The following AKR1A1 variants were observed in gnomAD, a reference collection of about 807,000 sequenced individuals.
The protein encoded by AKR1A1 is HEL-S-165mP.
Under a neutral mutation model 39.2 loss-of-function variants are expected in AKR1A1, and 26 were observed. The observed-to-expected ratio is 0.66, with a 90% CI of 0.49 to 0.92. AKR1A1 has a LOEUF of 0.92. Among genes scored for constraint, AKR1A1 ranks in the 40% least tolerant of loss-of-function variants. The probability of loss-of-function intolerance (pLI) is 0.00; values close to 1 mark genes in which losing one functional copy is unlikely to be tolerated. For missense variants in AKR1A1, 378 were observed against 406.5 expected (o/e 0.93, Z 0.60); for synonymous variants, 141 against 155.5 (o/e 0.91, Z 0.69).
chr1:45,561,929 T>C (rs1194967471), intron 2 of AKR1A1, 51 bp downstream of exon 2: 1 of 1,577,482 alleles, frequency 6.3e-7, no homozygotes, highest in South Asian at 1.1e-5. Context: ...TGCCTGCATT[T>C]TCCTAGCAGC....
intron 1 of AKR1A1, among the ~76,000 whole-genome samples, chr1:45,561,586 T>G (rs1644278124): frequency 6.6e-6 from 1 of 152,108 alleles, no homozygotes; most frequent in Non-Finnish European, 1.5e-5. Flanking sequence ...GTATTTTTAG[T>G]AGAGATGGGG....
chr1:45,562,032 TC>T lies in AKR1A1; in HGVS notation c.84+155del, dbSNP rs554250918. Among the ~76,000 whole-genome samples, 59 of 152,276 alleles carry T rather than the reference TC, an allele frequency of 3.9e-4. 3 individuals are homozygous for T. The highest frequency in any genetic ancestry group is 1.4e-3 in the African/African-American group (57 of 41,562). On this transcript the variant is annotated intron_variant, in intron 2 of 8. Coordinates refer to ENST00000351829, the MANE Select transcript of AKR1A1 (RefSeq NM_153326.3). ...TACATCCTGGGCTTCCCCAGCTGACTCAGAGAGTGGGCTGAGGGGCCCAGCA... is the reference window on the plus strand; with the variant it reads ...TACATCCTGGGCTTCCCCAGCTGACTAGAGAGTGGGCTGAGGGGCCCAGCA...
At position 45,551,067 on chromosome 1, in the gene AKR1A1, ACT is replaced by A. The variant is rs1170337040; in HGVS notation, c.-94_-93del. The A allele has an allele frequency of 6.6e-6, 1 of 152,362 alleles. No individual in the cohort carries two copies. The highest frequency in any genetic ancestry group is 6.5e-5 in the Admixed American group (1 of 15,276). The allele number at this position is 152,362 out of a possible 1,614,324, so 9.4% of individuals were successfully genotyped here. On this transcript the variant is annotated 5_prime_UTR_variant, in exon 1 of 9. An upstream open reading frame in the 5' UTR loses its in-frame stop. Coordinates refer to ENST00000351829, the MANE Select transcript of AKR1A1 (RefSeq NM_153326.3). ...GGTGGAACTTCCCCCTCACCGCCAG[ACT>A]TAAGCTGAGGATCGTTGGATCTCTG...
intron 4 of AKR1A1, 122 bp from the exon 5 acceptor site, chr1:45,567,860 A>T (rs1644364274): frequency 2.2e-6 from 2 of 904,754 alleles, no homozygotes; most frequent in Non-Finnish European, 3.2e-6. Context: ...ATGGCTTTTT[A>T]AAAATTCTTG....
intron 1 of AKR1A1, among the ~76,000 whole-genome samples, chr1:45,558,467 C>T (rs1435357074): frequency 2.0e-5 from 3 of 148,314 alleles, no homozygotes; most frequent in Non-Finnish European, 3.0e-5. Flanking sequence ...GGCTCAATCT[C>T]GGCTCACTGC....
chr1:45,567,462 A>T (rs1644357932), intron 4 of AKR1A1: 1 of 164,142 alleles, frequency 6.1e-6, no homozygotes. Context: ...ATCTACGTCT[A>T]GGAAGAGGAG....
At position 45,567,805 on chromosome 1, in the gene AKR1A1, C is replaced by T. The variant is rs1049396102; in HGVS notation, c.357-177C>T. 5.7e-4 allele frequency: 314 copies of T among 549,440 alleles called. 4 individuals are homozygous for T. The highest frequency in any genetic ancestry group is 1.5e-3 in the Middle Eastern group (3 of 2,020). 34.0% of individuals were successfully genotyped at this position (549,440 alleles called of 1,614,324 possible). ...TAGTGCCACTGCACTCCAGCCTGGG[C>T]GGTAAAGCGAGACTCCATCTCAAAA... is the stretch of plus-strand genomic sequence containing the variant. On this transcript the variant is annotated intron_variant, in intron 4 of 8. Coordinates refer to ENST00000351829, the MANE Select transcript of AKR1A1 (RefSeq NM_153326.3).
intron 1 of AKR1A1, among the ~76,000 whole-genome samples, chr1:45,559,049 T>C (rs1434541320): frequency 6.6e-6 from 1 of 152,226 alleles, no homozygotes; most frequent in Non-Finnish European, 1.5e-5. Flanking sequence ...AGTTATTCTT[T>C]AGGACTTGAC....
In AKR1A1 at chr1:45,561,837, C is replaced by T. The variant is rs1239684840; in HGVS notation, c.43C>T (p.Pro15Ser). Residue 15 changes from proline to serine, a missense_variant, in exon 2 of 9, where the codon CCT becomes TCT. Coordinates refer to ENST00000351829, the MANE Select transcript of AKR1A1 (RefSeq NM_153326.3). ...TCTACTGCACACTGGGCAGAAGATGCCTCTGATTGGTCTGGGTACCTGGAA... is the reference window on the plus strand; with the variant it reads ...TCTACTGCACACTGGGCAGAAGATGTCTCTGATTGGTCTGGGTACCTGGAA... ...CVLLHTGQKM[P>S]LIGLGTWKSE... The T allele has an allele frequency of 6.2e-7, 1 of 1,614,116 alleles. No individual in the cohort carries two copies. The highest frequency in any genetic ancestry group is 1.7e-5 in the Admixed American group (1 of 59,998).
At chr1:45,568,423 T>A (rs1644373410) in intron 5 of AKR1A1, 62 bp from the exon 6 acceptor site, 1 of 1,579,238 alleles carries the variant, frequency 6.3e-7, no homozygotes, top group African/African-American at 1.3e-5. Flanking sequence ...CATGCATGTC[T>A]GGGATGGGCC....
chr1:45,569,125 C>G lies in AKR1A1; in HGVS notation c.826-18C>G. On this transcript the variant is annotated intron_variant, in intron 7 of 8. Coordinates refer to ENST00000351829, the MANE Select transcript of AKR1A1 (RefSeq NM_153326.3). ...GCTCACAAAGCTGGCTTTCTTGAAC[C>G]CCACTCTCCATCCTCAGGTGTTTGA... 3.7e-6 allele frequency: 6 copies of G among 1,612,718 alleles called. No homozygotes were observed. The highest frequency in any genetic ancestry group is 5.1e-6 in the Non-Finnish European group (6 of 1,178,722).
rs557439145 is a variant in AKR1A1, at chr1:45,563,181, C to T, written c.84+1303C>T. 3.3e-5 allele frequency among the ~76,000 whole-genome samples: 5 copies of T among 151,430 alleles called. No homozygotes were observed. In the East Asian group the frequency reaches 9.8e-4, roughly 30 times the overall value. The stretch of plus-strand genomic sequence containing the variant: ...CTTTGGGAGGCCAAGGCAGGTGGAT[C>T]ACAAGGTCAGGAGTTCGAGACCAGC... On this transcript the variant is annotated intron_variant, in intron 2 of 8. Coordinates refer to ENST00000351829, the MANE Select transcript of AKR1A1 (RefSeq NM_153326.3).
intron 1 of AKR1A1, among the ~76,000 whole-genome samples, chr1:45,552,163 C>CTATT (rs1557627163): frequency 4.0e-5 from 6 of 151,168 alleles, no homozygotes; most frequent in Admixed American, 1.3e-4. Context: ...AAGTAGCCAT[C>CTATT]CATTTATTTA....
chr1:45,561,827 G>A lies in AKR1A1; in HGVS notation c.33G>A (p.Gly11=), dbSNP rs142175775. The change falls in exon 2 of 9, where the codon GGG becomes GGA. Residue 11 remains glycine (G), a synonymous_variant. Transcript: ENST00000351829. Reference sequence around the variant, plus strand: ...CTTCCTGTGTTCTACTGCACACTGGGCAGAAGATGCCTCTGATTGGTCTGG... The same window carrying A: ...CTTCCTGTGTTCTACTGCACACTGGACAGAAGATGCCTCTGATTGGTCTGG... The part of the protein sequence containing the change: MAASCVLLHT[G]QKMPLIGLGT... 1.9e-6 allele frequency: 3 copies of A among 1,614,018 alleles called. No individual in the cohort carries two copies. The highest frequency in any genetic ancestry group is 2.5e-6 in the Non-Finnish European group (3 of 1,180,010).
chr1:45,567,144 C>G lies in AKR1A1; in HGVS notation c.356+124C>G. The G allele has an allele frequency of 1.1e-5, 14 of 1,329,732 alleles. No homozygotes were observed. The South Asian group carries it at 2.0e-4, about 19-fold the overall frequency. The allele number at this position is 1,329,732 out of a possible 1,614,324, so 82.4% of individuals were successfully genotyped here. A position where few individuals can be genotyped will look rare whatever the true frequency, so the allele number is the denominator to read the frequency against. The stretch of plus-strand genomic sequence containing the variant: ...CTCATTTGCATGCCAAGCTGAGGAG[C>G]TTGACATGGGATCTTAGCCTCTTCT... On this transcript the variant is annotated intron_variant, in intron 4 of 8. Transcript: ENST00000351829.
chr1:45,560,877 G>C lies in AKR1A1; in HGVS notation c.-6-912G>C, dbSNP rs552324879. ...CAGGTAGCTGGGACTACAGGCACCC[G>C]CCACCACGCCTGGCTAATTTTTTGT... On this transcript the variant is annotated intron_variant, in intron 1 of 8. Coordinates refer to ENST00000351829, the MANE Select transcript of AKR1A1 (RefSeq NM_153326.3). 2.1e-3 allele frequency among the ~76,000 whole-genome samples: 313 copies of C among 152,118 alleles called. 3 individuals are homozygous for C. Among genetic ancestry groups the C allele is most frequent in the African/African-American group, 7.0e-3 (290 of 41,504 alleles).
At chr1:45,562,373 G>T (rs981520037) in intron 2 of AKR1A1, among the ~76,000 whole-genome samples, 2 of 136,424 alleles carry the variant, frequency 1.5e-5, no homozygotes, top group Admixed American at 1.6e-4. Context: ...ACAGGGTCTC[G>T]CTCTGTTGCC....
chr1:45,555,436 G>A (rs1313314968), intron 1 of AKR1A1, among the ~76,000 whole-genome samples: 1 of 151,726 alleles, frequency 6.6e-6, no homozygotes, highest in South Asian at 2.1e-4. Flanking sequence ...GCGGTGAGCC[G>A]ACATTGCGCC....
At chr1:45,566,548 T>G (rs1644346004) in intron 2 of AKR1A1, 21 bp from the exon 3 acceptor site, 2 of 1,613,734 alleles carry the variant, frequency 1.2e-6, no homozygotes, top group African/African-American at 2.7e-5. Flanking sequence ...AGCTGAAACC[T>G]CTGCTTCTCT....
Sources: allele counts gnomAD v4.1 joint callset (sites outside exome capture counted in the v4.1 genomes callset), GRCh38; gene constraint gnomAD v4.1.1; transcripts MANE v1.5; gene names NCBI Gene and HGNC (gene_info 2026-07-23, HGNC 2026-07-21).